SCN1B: variants seen among roughly 807,000 people sequenced by gnomAD.
The protein encoded by SCN1B is sodium channel regulatory subunit beta-1.
Under a neutral mutation model 25.7 loss-of-function variants are expected in SCN1B, and 11 were observed. That is an observed-to-expected ratio of 0.43 (90% CI 0.27 to 0.71). The LOEUF is 0.71. SCN1B is among the 30% of genes least tolerant of loss of function. The pLI is 0.21. For synonymous variants in SCN1B, 119 were observed against 117.5 expected (o/e 1.01, Z -0.08); for missense variants, 224 against 291.5 (o/e 0.77, Z 1.69).
intron 3 of SCN1B, chr19:35,038,824 G>A: frequency 2.1e-6 from 1 of 471,072 alleles, no homozygotes; most frequent in Admixed American, 3.3e-5. Context: ...CACACAGCTG[G>A]CCAGTGGCAG....
At chr19:35,034,030 C>T (rs1359475330) in intron 3 of SCN1B, 1 of 1,550,224 alleles carries the variant, frequency 6.5e-7, no homozygotes, top group South Asian at 1.2e-5. Flanking sequence ...CCTTCTGTCT[C>T]TGAGCCAAAG....
Position 35,039,689 on chromosome 19 carries a change from G to A in SCN1B, c.645G>A (p.Gln215=). 1 of 1,614,224 alleles carries A rather than the reference G, an allele frequency of 6.2e-7. No homozygotes were observed. The highest frequency in any genetic ancestry group is 8.5e-7 in the Non-Finnish European group (1 of 1,180,024). The part of the protein sequence containing the change: ...SESKENCTGV[Q]VAE ...GCAAAGAGAACTGCACGGGCGTCCA[G>A]GTGGCCGAATAGCCCTGGTAAGGCG... Residue 215 remains glutamine (Q), a synonymous_variant, in exon 5 of 6, where the codon CAG becomes CAA. Coordinates refer to ENST00000262631, the MANE Select transcript of SCN1B (RefSeq NM_001037.5).
chr19:35,035,430 C>T (rs1238400497), intron 3 of SCN1B: 4 of 152,206 alleles, frequency 2.6e-5, no homozygotes, highest in Non-Finnish European at 5.9e-5. Context: ...GCTGGGATTA[C>T]AGGCATGTGC....
chr19:35,032,393 A>T lies in SCN1B; in HGVS notation c.41-135A>T. The T allele has an allele frequency of 1.0e-6, 1 of 955,360 alleles. No homozygotes were observed. The highest frequency in any genetic ancestry group is 1.6e-5 in the African/African-American group (1 of 62,518). 59.2% of individuals were successfully genotyped at this position (955,360 alleles called of 1,614,324 possible). On this transcript the variant is annotated intron_variant, in intron 1 of 5. Transcript: ENST00000262631. The surrounding 1 kb of genome is among the most constrained non-coding windows in gnomAD (Gnocchi z 4.3). ...AATGACTTGCTGAGGTCACGCAGTG[A>T]GTGACAGGGCTCAGCCTAGCATCCA...
intron 3 of SCN1B, chr19:35,038,152 A>T (rs1329921691): frequency 6.6e-6 from 1 of 151,966 alleles, no homozygotes; most frequent in African/African-American, 2.4e-5. Flanking sequence ...AAAGTGCCCC[A>T]CTCACAGCAG....
rs1057522560 is a variant in SCN1B, at chr19:35,039,808, C to G, written c.*17C>G. 7.3e-6 allele frequency: 9 copies of G among 1,237,158 alleles called. No individual in the cohort carries two copies. The South Asian group carries it at 1.0e-4, about 14-fold the overall frequency. The allele number at this position is 1,237,158 out of a possible 1,614,324, so 76.6% of individuals were successfully genotyped here. A position where few individuals can be genotyped will look rare whatever the true frequency, so the allele number is the denominator to read the frequency against. The stretch of plus-strand genomic sequence containing the variant: ...TTGCTCCCCTTCAGGCCCTGGGCCC[C>G]GCCTCAAGGAAGAGCCAGCCGTAAT... On this transcript the variant is annotated 3_prime_UTR_variant, in exon 6 of 6. Transcript: ENST00000262631.
intron 4 of SCN1B, 172 bp downstream of exon 4, chr19:35,039,430 C>T: frequency 2.9e-6 from 3 of 1,049,618 alleles, no homozygotes; most frequent in Non-Finnish European, 4.3e-6. Context: ...GGTCGTCAGA[C>T]CCAGCCCCTT....
Position 35,039,836 on chromosome 19 carries a change from G to A in SCN1B, c.*45G>A. 1.1e-6 allele frequency: 1 copy of A among 910,024 alleles called. No homozygotes were observed. Among genetic ancestry groups the A allele is most frequent in the Non-Finnish European group, 1.7e-6 (1 of 585,370 alleles). The allele number at this position is 910,024 out of a possible 1,614,324, so 56.4% of individuals were successfully genotyped here. A position where few individuals can be genotyped will look rare whatever the true frequency, so the allele number is the denominator to read the frequency against. On this transcript the variant is annotated 3_prime_UTR_variant, in exon 6 of 6. Transcript: ENST00000262631. Reference sequence around the variant, plus strand: ...CTCAAGGAAGAGCCAGCCGTAATGGGGACTCTCCAGGCACCGCCTGCCCCC... The same window carrying A: ...CTCAAGGAAGAGCCAGCCGTAATGGAGACTCTCCAGGCACCGCCTGCCCCC...
chr19:35,031,088 C>T (rs957816246), intron 1 of SCN1B, among the ~76,000 whole-genome samples: 1 of 149,416 alleles, frequency 6.7e-6, no homozygotes, highest in East Asian at 2.1e-4. Context: ...CACAGCCTGG[C>T]GGCTGCAGGC....
Position 35,039,625 on chromosome 19 carries a change from T to A in SCN1B, c.591-10T>A. 1 of 1,613,984 alleles carries A rather than the reference T, an allele frequency of 6.2e-7. No individual in the cohort carries two copies. The highest frequency in any genetic ancestry group is 8.5e-7 in the Non-Finnish European group (1 of 1,179,932). On this transcript the variant is annotated splice_polypyrimidine_tract_variant and intron_variant, in intron 4 of 5. Coordinates refer to ENST00000262631, the MANE Select transcript of SCN1B (RefSeq NM_001037.5). ...ATGGGGTCACTGTATACCTGGCCTT[T>A]CCCCCACAGCTCGGAATACCTGGCC...
In SCN1B at chr19:35,040,219, TG is replaced by T. The variant is rs2064279499; in HGVS notation, c.*432del. 1 of 175,002 alleles carries T rather than the reference TG, an allele frequency of 5.7e-6. No individual in the cohort carries two copies. Among genetic ancestry groups the T allele is most frequent in the Non-Finnish European group, 1.2e-5 (1 of 80,500 alleles). 10.8% of individuals were successfully genotyped at this position (175,002 alleles called of 1,614,324 possible). ...GTCGCGATGATGGGCTGGAGCAGTT[TG>T]GGGCAGGGGGTTCTGGGACCCACTC... On this transcript the variant is annotated 3_prime_UTR_variant, in exon 6 of 6. Transcript: ENST00000262631.
At position 35,032,445 on chromosome 19, in the gene SCN1B, G is replaced by T; in HGVS notation, c.41-83G>T. On this transcript the variant is annotated intron_variant, in intron 1 of 5. Transcript: ENST00000262631. The surrounding 1 kb of genome is among the most constrained non-coding windows in gnomAD (Gnocchi z 4.3). The stretch of plus-strand genomic sequence containing the variant: ...TCCTGTCTGCTGGTAATCATTGAGG[G>T]GGGAACAGATGGTTTGTGAGGGGTC... 6.6e-7 allele frequency: 1 copy of T among 1,520,996 alleles called. No homozygotes were observed. The highest frequency in any genetic ancestry group is 9.0e-7 in the Non-Finnish European group (1 of 1,106,384). The allele number at this position is 1,520,996 out of a possible 1,614,324, so 94.2% of individuals were successfully genotyped here.
intron 3 of SCN1B, chr19:35,036,741 T>G (rs1300864493): frequency 9.3e-6 from 1 of 107,694 alleles, no homozygotes; most frequent in Admixed American, 9.1e-5. Context: ...CCTATTATTA[T>G]TATTATTATT....
chr19:35,030,781 C>T lies in SCN1B; in HGVS notation c.-40C>T. The T allele has an allele frequency of 2.3e-6, 2 of 867,334 alleles. No homozygotes were observed. The highest frequency in any genetic ancestry group is 3.1e-6 in the Non-Finnish European group (2 of 640,898). The allele number at this position is 867,334 out of a possible 1,614,324, so 53.7% of individuals were successfully genotyped here. A position where few individuals can be genotyped will look rare whatever the true frequency, so the allele number is the denominator to read the frequency against. ...CCGCCTCTCGCCCCGCTATTAATAC[C>T]GGCGGCCCGGGAGGGGGGCGCAGCA... On this transcript the variant is annotated 5_prime_UTR_variant, in exon 1 of 6. Coordinates refer to ENST00000262631, the MANE Select transcript of SCN1B (RefSeq NM_001037.5).
chr19:35,033,459 G>T, intron 2 of SCN1B, 40 bp from the exon 3 acceptor site: 3 of 1,612,140 alleles, frequency 1.9e-6, no homozygotes, highest in Non-Finnish European at 2.5e-6. Flanking sequence ...GGGAAGAGAG[G>T]CCCAGGCAGT....
chr19:35,032,595 C>A lies in SCN1B; in HGVS notation c.108C>A (p.Phe36Leu). 6.2e-7 allele frequency: 1 copy of A among 1,614,154 alleles called. No individual in the cohort carries two copies. Among genetic ancestry groups the A allele is most frequent in the South Asian group, 1.1e-5 (1 of 91,086 alleles). Residue 36 changes from phenylalanine (F) to leucine (L), a missense_variant, in exon 2 of 6, where the codon TTC becomes TTA. Transcript: ENST00000262631. This position sits in a 1 kb window ranked among gnomAD's most constrained non-coding sequence, Gnocchi z 4.3. ...CCGAGGCCGTGTATGGGATGACCTT[C>A]AAAATTCTTTGCATCTCCTGCAAGC... ...SETEAVYGMT[F>L]KILCISCKRR...
rs557650632 is a variant in SCN1B at position 35,031,902 on chromosome 19, G to C, written c.41-626G>C. Reference sequence around the variant, plus strand: ...TTGGGGTGGGAAGAGCTCTAGAGGCGAGGAGCCTGGGGAAGAGGGGATGAT... The same window carrying C: ...TTGGGGTGGGAAGAGCTCTAGAGGCCAGGAGCCTGGGGAAGAGGGGATGAT... On this transcript the variant is annotated intron_variant, in intron 1 of 5. Coordinates refer to ENST00000262631, the MANE Select transcript of SCN1B (RefSeq NM_001037.5). The C allele has an allele frequency of 1.2e-4, 20 of 160,994 alleles. 1 individual carries two copies. The South Asian group carries it at 3.5e-3, about 28-fold the overall frequency. 10.0% of individuals were successfully genotyped at this position (160,994 alleles called of 1,614,324 possible).
chr19:35,033,349 C>A lies in SCN1B; in HGVS notation c.208-150C>A. 6.7e-6 allele frequency: 10 copies of A among 1,500,494 alleles called. No homozygotes were observed. In the South Asian group the frequency reaches 1.0e-4, roughly 15 times the overall value. 92.9% of individuals were successfully genotyped at this position (1,500,494 alleles called of 1,614,324 possible). A position where few individuals can be genotyped will look rare whatever the true frequency, so the allele number is the denominator to read the frequency against. ...TCCAGGCGTGATCCTAGCCCCCCAC[C>A]CCTGTGCCCTCCCTGCCTGAGGTCA... On this transcript the variant is annotated intron_variant, in intron 2 of 5. Transcript: ENST00000262631.
chr19:35,039,381 T>C, intron 4 of SCN1B, 123 bp downstream of exon 4: 1 of 1,354,378 alleles, frequency 7.4e-7, no homozygotes, highest in Non-Finnish European at 1.0e-6. Context: ...CTCTCAGTAC[T>C]ACCCAGAGGG....
Sources: allele counts gnomAD v4.1 joint callset (sites outside exome capture counted in the v4.1 genomes callset), GRCh38; gene constraint gnomAD v4.1.1; non-coding constraint Gnocchi (gnomAD v3.1); transcripts MANE v1.5; gene names NCBI Gene and HGNC (gene_info 2026-07-23, HGNC 2026-07-21).